CNDP1: variants seen among roughly 807,000 people sequenced by gnomAD.
CNDP1 encodes carnosine dipeptidase 1, also known as beta-Ala-His dipeptidase.
In CNDP1, 44 loss-of-function variants were observed where a neutral mutation model predicts 58.1. That is an observed-to-expected ratio of 0.76 (90% CI 0.60 to 0.97). The LOEUF (loss-of-function observed/expected upper bound fraction) is 0.97. CNDP1 is among the 50% of genes least tolerant of loss of function. CNDP1 has a pLI of 0.00. For synonymous variants in CNDP1, 254 were observed against 252.6 expected (o/e 1.01, Z -0.05); for missense variants, 616 against 655.1 (o/e 0.94, Z 0.65).
At chr18:74,584,072 T>C (rs999726203) in intron 11 of CNDP1, 4 of 303,160 alleles carry the variant, frequency 1.3e-5, no homozygotes, top group African/African-American at 8.6e-5. Flanking sequence ...ACAGACACAC[T>C]GGGGGGTTAG....
At chr18:74,541,942 T>C (rs1473632320) in intron 1 of CNDP1, among the ~76,000 whole-genome samples, 4 of 152,266 alleles carry the variant, frequency 2.6e-5, no homozygotes, top group South Asian at 2.1e-4. Flanking sequence ...TGGGGCGCAT[T>C]GTGAAAGGGA....
At chr18:74,553,937 G>A (rs193216200) in intron 1 of CNDP1, among the ~76,000 whole-genome samples, 13 of 152,280 alleles carry the variant, frequency 8.5e-5, no homozygotes, top group Non-Finnish European at 1.8e-4. Context: ...CAGCTGGTGA[G>A]CTCTCTGTCC....
intron 3 of CNDP1, among the ~76,000 whole-genome samples, chr18:74,559,958 C>A (rs1981143921): frequency 6.6e-6 from 1 of 150,700 alleles, no homozygotes; most frequent in African/African-American, 2.4e-5. Context: ...TCAGGATCAT[C>A]CATGTTTTCT....
At chr18:74,562,395 T>C (rs879026855) in intron 5 of CNDP1, among the ~76,000 whole-genome samples, 2 of 152,176 alleles carry the variant, frequency 1.3e-5, no homozygotes, top group South Asian at 2.1e-4. Flanking sequence ...CTGTTAACCA[T>C]GTTAAAAAAC....
At chr18:74,567,687 C>T (rs1205611407) in intron 6 of CNDP1, among the ~76,000 whole-genome samples, 1 of 152,154 alleles carries the variant, frequency 6.6e-6, no homozygotes, top group Non-Finnish European at 1.5e-5. Context: ...GGGTTTGTGA[C>T]TTACAAAGCA....
Position 74,542,830 on chromosome 18 carries a change from CTGTT to C in CNDP1, c.24+8142_24+8145del, listed in dbSNP as rs944064590. Among the ~76,000 whole-genome samples, 33 of 152,312 alleles carry C rather than the reference CTGTT, an allele frequency of 2.2e-4. 1 individual carries two copies. The highest frequency in any genetic ancestry group is 1.5e-3 in the Admixed American group (23 of 15,294). ...ATTACAGGTGTGTGCCACTAGAACA[CTGTT>C]TGAGAACTGTAAGCCACCAGTTTAA... On this transcript the variant is annotated intron_variant, in intron 1 of 11. Coordinates refer to ENST00000358821, the MANE Select transcript of CNDP1 (RefSeq NM_032649.6).
chr18:74,584,571 A>C lies in CNDP1; in HGVS notation c.*9A>C. The stretch of plus-strand genomic sequence containing the variant: ...TGGCCCAGCTCCATTAATCACAAGA[A>C]CCTTCTAGTCTGATCTGATCCACTG... On this transcript the variant is annotated 3_prime_UTR_variant, in exon 12 of 12. Transcript: ENST00000358821. 6.2e-7 allele frequency: 1 copy of C among 1,609,630 alleles called. No individual in the cohort carries two copies. Among genetic ancestry groups the C allele is most frequent in the Non-Finnish European group, 8.5e-7 (1 of 1,175,980 alleles).
At chr18:74,571,134 C>T (rs370874906) in intron 6 of CNDP1, 52 bp from the exon 7 acceptor site, 5 of 1,266,926 alleles carry the variant, frequency 3.9e-6, no homozygotes, top group South Asian at 1.2e-5. Context: ...AATGCTTACA[C>T]TAAAGGAACC....
rs114902257 is a variant in CNDP1, at chr18:74,556,281, G to A, written c.25-57G>A. 7.3e-4 allele frequency: 1,164 copies of A among 1,590,500 alleles called. 3 individuals carry two copies. The African/African-American group carries it at 0.013, about 17-fold the overall frequency. ...CCTTCTTGAGGAATTTGGAAGGTCC[G>A]AAGTCCAGCAACTGGCATTGATTTT... On this transcript the variant is annotated intron_variant, in intron 1 of 11. Coordinates refer to ENST00000358821, the MANE Select transcript of CNDP1 (RefSeq NM_032649.6).
chr18:74,568,912 G>C (rs1376805926), intron 6 of CNDP1, among the ~76,000 whole-genome samples: 1 of 152,158 alleles, frequency 6.6e-6, no homozygotes, highest in East Asian at 1.9e-4. Context: ...TTACCCCAGA[G>C]GGTTGTGGTG....
chr18:74,540,436 A>G (rs1459235031), intron 1 of CNDP1, among the ~76,000 whole-genome samples: 1 of 152,206 alleles, frequency 6.6e-6, no homozygotes, highest in Non-Finnish European at 1.5e-5. Context: ...TTGGGATTAC[A>G]GGTGTGAGCC....
rs1980435024 is a variant in CNDP1 at position 74,534,546 on chromosome 18, A to T, written c.-122A>T. The T allele has an allele frequency of 1.0e-6, 1 of 998,468 alleles. No homozygotes were observed. The highest frequency in any genetic ancestry group is 1.6e-6 in the Non-Finnish European group (1 of 639,518). The allele number at this position is 998,468 out of a possible 1,614,324, so 61.9% of individuals were successfully genotyped here. A position where few individuals can be genotyped will look rare whatever the true frequency, so the allele number is the denominator to read the frequency against. On this transcript the variant is annotated 5_prime_UTR_variant, in exon 1 of 12. Transcript: ENST00000358821. ...ACCAGCCTCGTCTTCCTTCCGGGGG[A>T]CAACGTGGGTCAGGGCACAGAGAGA... is the stretch of plus-strand genomic sequence containing the variant.
chr18:74,557,908 T>A (rs1981083364), intron 2 of CNDP1, among the ~76,000 whole-genome samples: 1 of 152,246 alleles, frequency 6.6e-6, no homozygotes, highest in Admixed American at 6.5e-5. Flanking sequence ...TCTTGGATTT[T>A]TGAAACCTGA....
chr18:74,551,921 C>CA (rs955659070), intron 1 of CNDP1, among the ~76,000 whole-genome samples: 1,449 of 142,146 alleles, frequency 0.01, 15 homozygotes, highest in African/African-American at 0.023. Context: ...AAAAAAAAAA[C>CA]AAAAAAAAAA....
At position 74,586,750 on chromosome 18, in the gene CNDP1, T is replaced by C. The variant is rs1225683864; in HGVS notation, c.*2188T>C. 1 of 152,160 alleles carries C rather than the reference T, an allele frequency of 6.6e-6. No individual in the cohort carries two copies. Among genetic ancestry groups the C allele is most frequent in the Non-Finnish European group, 1.5e-5 (1 of 68,038 alleles). The allele number at this position is 152,160 out of a possible 1,614,324, so 9.4% of individuals were successfully genotyped here. ...CTCCCCAGCTCTTCCCTCCTGTTTT[T>C]CCACCCAATTCTAAGCCCTGTGGTG... On this transcript the variant is annotated 3_prime_UTR_variant, in exon 12 of 12. Transcript: ENST00000358821.
chr18:74,546,887 A>C (rs1014622609), intron 1 of CNDP1, among the ~76,000 whole-genome samples: 4 of 152,248 alleles, frequency 2.6e-5, no homozygotes, highest in African/African-American at 9.6e-5. Flanking sequence ...ACTTGGCCTC[A>C]GGCATTGTTC....
At chr18:74,571,343 G>T (rs1269340011) in intron 7 of CNDP1, 73 bp downstream of exon 7, 13 of 1,046,882 alleles carry the variant, frequency 1.2e-5, no homozygotes, top group Non-Finnish European at 9.0e-6. Flanking sequence ...GATTTTATGT[G>T]CCTCTCCTTG....
At chr18:74,581,218 CTGTGTG>C (rs56269857) in intron 10 of CNDP1, among the ~76,000 whole-genome samples, 4,116 of 138,322 alleles carry the variant, frequency 0.03, 67 homozygotes, top group South Asian at 0.055. Flanking sequence ...CACACCTATC[CTGTGTG>C]TGTGTGTGTG....
chr18:74,535,386 A>C (rs576567678), intron 1 of CNDP1, among the ~76,000 whole-genome samples: 1 of 152,258 alleles, frequency 6.6e-6, no homozygotes, highest in Non-Finnish European at 1.5e-5. Flanking sequence ...CTCAAAAGAC[A>C]TACTGAAACA....
Sources: allele counts gnomAD v4.1 joint callset (sites outside exome capture counted in the v4.1 genomes callset), GRCh38; gene constraint gnomAD v4.1.1; transcripts MANE v1.5; gene names NCBI Gene and HGNC (gene_info 2026-07-23, HGNC 2026-07-21).